Variants in OPCML observed in about 807,000 individuals in gnomAD.
OPCML encodes opioid-binding protein/cell adhesion molecule.
OPCML carries 13 observed loss-of-function variants against 37.8 expected under a neutral mutation model. The ratio of observed to expected loss-of-function variants is 0.34; its 90% CI spans 0.22 to 0.55. OPCML has a LOEUF of 0.55. Ranked by LOEUF, OPCML falls within the 20% of genes least tolerant of loss-of-function variation. The pLI is 0.91. For synonymous variants in OPCML, 176 were observed against 168.8 expected, an observed-to-expected ratio of 1.04 and a Z score of -0.33; for missense variants, 341 against 435.6, an observed-to-expected ratio of 0.78 and a Z score of 1.93.
chr11:132,481,073 T>C (rs1433425626), intron 4 of OPCML, among the ~76,000 whole-genome samples: 2 of 152,286 alleles, frequency 1.3e-5, no homozygotes, highest in South Asian at 2.1e-4. Flanking sequence ...ATTTAAACAA[T>C]ATTAACTTTA....
chr11:132,686,922 C>G (rs1270915011), intron 2 of OPCML, among the ~76,000 whole-genome samples: 1 of 152,066 alleles, frequency 6.6e-6, no homozygotes, highest in Admixed American at 6.6e-5. Flanking sequence ...GACCTATAAG[C>G]AGAATGTCTG....
At chr11:133,137,434 A>T (rs1339173886) in intron 1 of OPCML, among the ~76,000 whole-genome samples, 1 of 152,218 alleles carries the variant, frequency 6.6e-6, no homozygotes, top group Admixed American at 6.5e-5. Context: ...TGTTGATATT[A>T]CTTGCCATGT....
At chr11:132,850,516 G>GGAGT (rs796790289) in intron 2 of OPCML, among the ~76,000 whole-genome samples, 5 of 148,122 alleles carry the variant, frequency 3.4e-5, no homozygotes, top group African/African-American at 1.2e-4. Flanking sequence ...CTGTGGAAAG[G>GGAGT]GTGTGTGTGT....
At chr11:133,337,636 A>G (rs1316257140) in intron 1 of OPCML, among the ~76,000 whole-genome samples, 1 of 152,118 alleles carries the variant, frequency 6.6e-6, no homozygotes, top group African/African-American at 2.4e-5. Flanking sequence ...ATATCTATCA[A>G]TTCTCACTCC....
At chr11:132,594,218 A>C (rs1228170149) in intron 3 of OPCML, among the ~76,000 whole-genome samples, 1 of 152,224 alleles carries the variant, frequency 6.6e-6, no homozygotes, top group African/African-American at 2.4e-5. Context: ...TAAAAAGAAA[A>C]TACATAAGGT....
At position 133,127,385 on chromosome 11, in the gene OPCML, G is replaced by C. The variant is rs1283298191; in HGVS notation, c.62-184375C>G. Among the ~76,000 whole-genome samples, 3 of 152,110 alleles carry C rather than the reference G, an allele frequency of 2.0e-5. No individual in the cohort carries two copies. The East Asian group carries it at 5.8e-4, about 29-fold the overall frequency. On this transcript the variant is annotated intron_variant, in intron 1 of 7. Transcript: ENST00000524381. ...GGAAGCTCATGCTGGTCATCTCCCA[G>C]CTACTCGGGAGGCTGAAGCAGGAGC... is the stretch of plus-strand genomic sequence containing the variant.
chr11:132,964,103 T>C (rs1236177497), intron 1 of OPCML, among the ~76,000 whole-genome samples: 1 of 152,126 alleles, frequency 6.6e-6, no homozygotes, highest in East Asian at 1.9e-4. Flanking sequence ...CTAATGGTGC[T>C]GTTGAGAGGA....
At chr11:132,888,732 T>C (rs560183031) in intron 2 of OPCML, among the ~76,000 whole-genome samples, 113 of 152,310 alleles carry the variant, frequency 7.4e-4, no homozygotes, top group African/African-American at 2.5e-3. Flanking sequence ...CTTGCTGCTG[T>C]GTAAAGGCAT....
intron 1 of OPCML, among the ~76,000 whole-genome samples, chr11:133,263,823 C>T (rs746903283): frequency 9.9e-5 from 15 of 152,052 alleles, no homozygotes; most frequent in Non-Finnish European, 2.2e-4. Flanking sequence ...CTTTTCATTC[C>T]CCACTCCAAA....
At chr11:132,845,459 C>G (rs1033617821) in intron 2 of OPCML, among the ~76,000 whole-genome samples, 3 of 152,192 alleles carry the variant, frequency 2.0e-5, no homozygotes, top group African/African-American at 7.2e-5. Flanking sequence ...CTCAAATACT[C>G]TCTAAAAATC....
intron 1 of OPCML, among the ~76,000 whole-genome samples, chr11:133,187,207 G>A (rs1436481953): frequency 2.0e-5 from 3 of 152,114 alleles, no homozygotes; most frequent in African/African-American, 4.8e-5. Flanking sequence ...TGGAGGTGTG[G>A]CATGGTGCTC....
chr11:132,464,471 A>G (rs2096113427), intron 4 of OPCML, among the ~76,000 whole-genome samples: 1 of 152,158 alleles, frequency 6.6e-6, no homozygotes, highest in African/African-American at 2.4e-5. Flanking sequence ...TGCTTAGTTC[A>G]TGGCTTAATC....
At chr11:133,144,383 C>G (rs1949868696) in intron 1 of OPCML, among the ~76,000 whole-genome samples, 1 of 152,314 alleles carries the variant, frequency 6.6e-6, no homozygotes, top group South Asian at 2.1e-4. Context: ...TAGAGGGTTG[C>G]CTTTTGACCC....
chr11:132,769,790 C>T (rs923516322), intron 2 of OPCML, among the ~76,000 whole-genome samples: 9 of 152,148 alleles, frequency 5.9e-5, no homozygotes, highest in Non-Finnish European at 1.2e-4. Flanking sequence ...TAGAGACAAA[C>T]ACAACTTACA....
At chr11:132,971,490 C>A (rs965410017) in intron 1 of OPCML, among the ~76,000 whole-genome samples, 2 of 152,218 alleles carry the variant, frequency 1.3e-5, no homozygotes, top group African/African-American at 4.8e-5. Flanking sequence ...AGCCCCACCC[C>A]ATTCTTGATT....
chr11:133,016,047 CTT>C (rs1947328846), intron 1 of OPCML, among the ~76,000 whole-genome samples: 1 of 152,180 alleles, frequency 6.6e-6, no homozygotes, highest in African/African-American at 2.4e-5. Flanking sequence ...CTCAGCCTCT[CTT>C]GTTTGTGAGA....
At chr11:132,640,758 G>T (rs4937714) in intron 3 of OPCML, among the ~76,000 whole-genome samples, 73,956 of 151,860 alleles carry the variant, frequency 0.49, 18,171 homozygotes, top group Middle Eastern at 0.57. Context: ...TTGGCAAGTG[G>T]GAAAGCCTGA....
intron 1 of OPCML, among the ~76,000 whole-genome samples, chr11:133,482,698 T>C (rs1405469125): frequency 6.6e-6 from 1 of 152,046 alleles, no homozygotes; most frequent in African/African-American, 2.4e-5. Flanking sequence ...ATGAAGAAAA[T>C]TGATGTTATG....
intron 1 of OPCML, chr11:133,298,161 T>G (rs1461131371): frequency 6.6e-6 from 1 of 152,162 alleles, no homozygotes; most frequent in African/African-American, 2.4e-5. Flanking sequence ...TCATGTCTAG[T>G]GGTAGTTCCA....
Sources: allele counts gnomAD v4.1 joint callset (sites outside exome capture counted in the v4.1 genomes callset), GRCh38; gene constraint gnomAD v4.1.1; transcripts MANE v1.5; gene names NCBI Gene and HGNC (gene_info 2026-07-23, HGNC 2026-07-21).